Variants in GREB1L observed in about 807,000 individuals in gnomAD.
The protein encoded by GREB1L is GREB1 like retinoic acid receptor coactivator, also known as GREB1-like protein.
A neutral mutation model predicts 200.8 loss-of-function variants in GREB1L; 17 were observed. The ratio of observed to expected loss-of-function variants is 0.08; its 90% CI spans 0.06 to 0.13. The LOEUF (loss-of-function observed/expected upper bound fraction) is 0.13, where lower values mean the gene tolerates loss of function less well. GREB1L is among the 10% of genes least tolerant of loss of function. The pLI is 1.00. For missense variants in GREB1L, 1,657 were observed against 2,367.7 expected, an observed-to-expected ratio of 0.70 and a Z score of 6.23; for synonymous variants, 789 against 893.0, an observed-to-expected ratio of 0.88 and a Z score of 2.08.
intron 15 of GREB1L, among the ~76,000 whole-genome samples, chr18:21,468,024 G>GGA (rs2035333816): frequency 2.1e-5 from 2 of 93,994 alleles, no homozygotes; most frequent in African/African-American, 3.5e-5. Context: ...GACTCCATCT[G>GGA]AAAAAAAAAA....
At chr18:21,321,028 T>A (rs1211398919) in intron 1 of GREB1L, among the ~76,000 whole-genome samples, 3 of 152,212 alleles carry the variant, frequency 2.0e-5, no homozygotes, top group Non-Finnish European at 4.4e-5. Context: ...GTGCTCTGGC[T>A]AATGCCTGTA....
chr18:21,447,224 G>A (rs2034271637), intron 11 of GREB1L, among the ~76,000 whole-genome samples: 1 of 152,112 alleles, frequency 6.6e-6, no homozygotes, highest in African/African-American at 2.4e-5. Flanking sequence ...GTTCAGAACT[G>A]CAGTGAGCTA....
chr18:21,450,248 T>G (rs2034453932), intron 12 of GREB1L, among the ~76,000 whole-genome samples: 1 of 152,120 alleles, frequency 6.6e-6, no homozygotes, highest in South Asian at 2.1e-4. Context: ...TATTTAATAT[T>G]GTAACATAGT....
chr18:21,255,092 G>C (rs1168727202), intron 1 of GREB1L, among the ~76,000 whole-genome samples: 1 of 152,154 alleles, frequency 6.6e-6, no homozygotes, highest in Non-Finnish European at 1.5e-5. Context: ...TAGGCAACCA[G>C]CAGTGTGTGC....
At chr18:21,480,711 A>G (rs2035881863) in intron 17 of GREB1L, among the ~76,000 whole-genome samples, 1 of 152,160 alleles carries the variant, frequency 6.6e-6, no homozygotes, top group Non-Finnish European at 1.5e-5. Flanking sequence ...GAATCTTGCA[A>G]AGAACACACA....
chr18:21,263,442 T>C (rs1331489793), intron 1 of GREB1L, among the ~76,000 whole-genome samples: 3 of 152,242 alleles, frequency 2.0e-5, no homozygotes, highest in African/African-American at 7.2e-5. Flanking sequence ...ATTACCTGTC[T>C]TAAACATTGA....
At chr18:21,334,252 C>G (rs2039151106) in intron 1 of GREB1L, among the ~76,000 whole-genome samples, 1 of 152,054 alleles carries the variant, frequency 6.6e-6, no homozygotes, top group African/African-American at 2.4e-5. Flanking sequence ...GTGAGTGAGT[C>G]TTGTTTTAAT....
At chr18:21,360,615 A>G (rs567512649) in intron 1 of GREB1L, among the ~76,000 whole-genome samples, 14 of 152,332 alleles carry the variant, frequency 9.2e-5, no homozygotes, top group African/African-American at 2.9e-4. Context: ...AACATTTTCA[A>G]CTGGTAAAAT....
chr18:21,450,303 G>C (rs1018092954), intron 12 of GREB1L, among the ~76,000 whole-genome samples: 3 of 152,118 alleles, frequency 2.0e-5, no homozygotes, highest in African/African-American at 7.2e-5. Flanking sequence ...CAAAATTGGG[G>C]GGTGGGAGGG....
intron 32 of GREB1L, among the ~76,000 whole-genome samples, chr18:21,521,605 G>A (rs2037600223): frequency 6.6e-6 from 1 of 152,034 alleles, no homozygotes; most frequent in Non-Finnish European, 1.5e-5. Flanking sequence ...TTGCCTCCCA[G>A]GAGACAGAGA....
At chr18:21,504,373 A>G (rs1443092964) in intron 23 of GREB1L, among the ~76,000 whole-genome samples, 1 of 152,188 alleles carries the variant, frequency 6.6e-6, no homozygotes, top group Non-Finnish European at 1.5e-5. Context: ...ATCTCTCACA[A>G]AAATTTTAAA....
chr18:21,273,021 G>A (rs1384314798), intron 1 of GREB1L, among the ~76,000 whole-genome samples: 1 of 152,182 alleles, frequency 6.6e-6, no homozygotes, highest in African/African-American at 2.4e-5. Flanking sequence ...GAGGTCAGGA[G>A]TTTGAGACCA....
intron 4 of GREB1L, among the ~76,000 whole-genome samples, chr18:21,387,228 T>C (rs1473777671): frequency 2.6e-5 from 4 of 152,230 alleles, no homozygotes; most frequent in Non-Finnish European, 5.9e-5. Flanking sequence ...GCTGGTTCTG[T>C]AAAGTTTTCC....
At chr18:21,489,015 G>A (rs2036231746) in intron 18 of GREB1L, among the ~76,000 whole-genome samples, 1 of 152,186 alleles carries the variant, frequency 6.6e-6, no homozygotes, top group Non-Finnish European at 1.5e-5. Context: ...GCTGGGCAGT[G>A]TGCTCAGGGT....
intron 31 of GREB1L, among the ~76,000 whole-genome samples, chr18:21,520,242 A>G (rs1002063537): frequency 6.6e-6 from 1 of 152,152 alleles, no homozygotes; most frequent in Non-Finnish European, 1.5e-5. Context: ...CACCCAGCCC[A>G]TGCACTGTCT....
At chr18:21,475,504 G>T (rs539902643) in intron 16 of GREB1L, among the ~76,000 whole-genome samples, 2 of 151,988 alleles carry the variant, frequency 1.3e-5, no homozygotes, top group African/African-American at 4.8e-5. Context: ...GATTACAGAC[G>T]CCCGCCACAC....
At chr18:21,337,078 T>C (rs527413780) in intron 1 of GREB1L, among the ~76,000 whole-genome samples, 58 of 152,360 alleles carry the variant, frequency 3.8e-4, no homozygotes, top group Admixed American at 8.5e-4. Flanking sequence ...TAGTTGAACA[T>C]TCCGCAGTGT....
intron 1 of GREB1L, among the ~76,000 whole-genome samples, chr18:21,244,987 A>T (rs189317096): frequency 5.3e-5 from 8 of 152,328 alleles, no homozygotes; most frequent in African/African-American, 1.9e-4. Flanking sequence ...AACATCCCTT[A>T]TAGCTAAGAT....
intron 13 of GREB1L, 133 bp from the exon 14 acceptor site, chr18:21,451,950 G>A (rs1160872989): frequency 1.1e-5 from 8 of 733,020 alleles, no homozygotes; most frequent in East Asian, 2.7e-5. Flanking sequence ...ATGGCCAAGT[G>A]TAAATGCTGA....
Sources: gnomAD v4.1 joint callset for allele counts (sites outside exome capture counted in the v4.1 genomes callset) on GRCh38, gnomAD v4.1.1 for gene constraint, MANE v1.5 for transcripts, NCBI Gene and HGNC (gene_info 2026-07-23, HGNC 2026-07-21) for gene names.